OSBPL6: variants seen among roughly 807,000 people sequenced by gnomAD.
OSBPL6 encodes oxysterol binding protein like 6.
OSBPL6 carries 49 observed loss-of-function variants against 125.8 expected under a neutral mutation model. The ratio of observed to expected loss-of-function variants is 0.39; its 90% CI spans 0.31 to 0.49. The LOEUF is 0.49. OSBPL6 is among the 20% of genes least tolerant of loss of function. The pLI is 0.88. For missense variants in OSBPL6, 986 were observed against 1,135.4 expected (o/e 0.87, Z 1.89); for synonymous variants, 394 against 391.8 (o/e 1.01, Z -0.07).
At chr2:178,226,357 G>A (rs893726072) in intron 1 of OSBPL6, among the ~76,000 whole-genome samples, 2 of 150,138 alleles carry the variant, frequency 1.3e-5, no homozygotes, top group Non-Finnish European at 3.0e-5. Flanking sequence ...TGCTGGTGGT[G>A]CAGTGGGCAA....
At chr2:178,274,473 C>T (rs78846511) in intron 1 of OSBPL6, among the ~76,000 whole-genome samples, 8,849 of 152,024 alleles carry the variant, frequency 0.058, 336 homozygotes, top group Middle Eastern at 0.12. Flanking sequence ...AGAATAATCC[C>T]AAAAGGCAGG....
At chr2:178,378,365 T>G (rs1694081928) in intron 15 of OSBPL6, among the ~76,000 whole-genome samples, 1 of 152,214 alleles carries the variant, frequency 6.6e-6, no homozygotes, top group African/African-American at 2.4e-5. Flanking sequence ...ATGCTTATAA[T>G]GATTATTCTG....
Position 178,287,167 on chromosome 2 carries a change from A to AC in OSBPL6, c.-156+2046_-156+2047insC, listed in dbSNP as rs1553542312. 7.1e-3 allele frequency among the ~76,000 whole-genome samples: 1,052 copies of AC among 147,644 alleles called. 12 individuals are homozygous for AC. Among genetic ancestry groups the AC allele is most frequent in the East Asian group, 0.037 (189 of 5,050 alleles). ...CTTTTTTTAAAAAAAAAAAAAAAAA[A>AC]AACAAATTATTTTACTTAAAAAATA... On this transcript the variant is annotated intron_variant, in intron 2 of 24. Transcript: ENST00000190611.
intron 2 of OSBPL6, among the ~76,000 whole-genome samples, chr2:178,288,934 G>A (rs1048407159): frequency 1.3e-5 from 2 of 151,656 alleles, no homozygotes; most frequent in African/African-American, 4.8e-5. Context: ...ACAGGTGTGA[G>A]CCACCGTGCC....
chr2:178,284,270 T>C (rs1684488727), intron 1 of OSBPL6, among the ~76,000 whole-genome samples: 1 of 152,040 alleles, frequency 6.6e-6, no homozygotes, highest in South Asian at 2.1e-4. Context: ...AAAACTCTAT[T>C]GGGCCAGGCA....
chr2:178,341,136 G>T (rs918138872), intron 11 of OSBPL6, among the ~76,000 whole-genome samples: 6 of 152,150 alleles, frequency 3.9e-5, no homozygotes, highest in East Asian at 1.9e-4. Flanking sequence ...AATAATTGAA[G>T]AAGGCCTGCA....
intron 21 of OSBPL6, among the ~76,000 whole-genome samples, 169 bp downstream of exon 21, chr2:178,389,322 G>A (rs538979712): frequency 1.8e-4 from 28 of 152,296 alleles, no homozygotes; most frequent in African/African-American, 6.5e-4. Context: ...CTCAAGGCAT[G>A]CAAGTTTCTG....
chr2:178,361,125 A>G (rs1472433747), intron 12 of OSBPL6, among the ~76,000 whole-genome samples: 1 of 152,186 alleles, frequency 6.6e-6, no homozygotes, highest in Non-Finnish European at 1.5e-5. Flanking sequence ...CCTGTCTGAG[A>G]AAGCAACGCA....
At chr2:178,294,911 CTT>C (rs1217702966) in intron 2 of OSBPL6, among the ~76,000 whole-genome samples, 1 of 144,714 alleles carries the variant, frequency 6.9e-6, no homozygotes, top group African/African-American at 2.6e-5. Context: ...AATCTACTCT[CTT>C]AGCAATTTTC....
rs757417956 is a variant in OSBPL6, at chr2:178,387,159, C to T, written c.2156+20C>T. 2 of 1,551,950 alleles carry T rather than the reference C, an allele frequency of 1.3e-6. No homozygotes were observed. The highest frequency in any genetic ancestry group is 1.8e-6 in the Non-Finnish European group (2 of 1,125,528). ...TCCAAAGTAGGTGACTCACACCTCC[C>T]TTTTGGCCTCTTGTCTGCTTTTCTA... is the stretch of plus-strand genomic sequence containing the variant. On this transcript the variant is annotated intron_variant, in intron 20 of 24. Coordinates refer to ENST00000190611, the MANE Select transcript of OSBPL6 (RefSeq NM_032523.4).
At chr2:178,306,569 A>G (rs1370833689) in intron 3 of OSBPL6, among the ~76,000 whole-genome samples, 1 of 152,152 alleles carries the variant, frequency 6.6e-6, no homozygotes. Flanking sequence ...GGGAGCCAGC[A>G]TCAAGAACTT....
At chr2:178,285,280 T>G (rs1016494712) in intron 2 of OSBPL6, among the ~76,000 whole-genome samples, 159 bp downstream of exon 2, 3 of 152,234 alleles carry the variant, frequency 2.0e-5, no homozygotes, top group Non-Finnish European at 4.4e-5. Flanking sequence ...GTCATAATCC[T>G]TATAATAAAA....
At chr2:178,260,379 A>G (rs1050675640) in intron 1 of OSBPL6, among the ~76,000 whole-genome samples, 1 of 152,024 alleles carries the variant, frequency 6.6e-6, no homozygotes, top group Non-Finnish European at 1.5e-5. Context: ...GTATATGTAT[A>G]TGTGTATGTG....
chr2:178,394,482 G>T (rs751364220), intron 24 of OSBPL6, 47 bp downstream of exon 24: 1 of 1,571,116 alleles, frequency 6.4e-7, no homozygotes, highest in Non-Finnish European at 8.6e-7. Context: ...GCAAATGGTT[G>T]CCACAGGCCA....
intron 1 of OSBPL6, among the ~76,000 whole-genome samples, chr2:178,257,441 A>G (rs1340830855): frequency 6.6e-6 from 1 of 152,118 alleles, no homozygotes; most frequent in Non-Finnish European, 1.5e-5. Flanking sequence ...TATTATTTCT[A>G]TTGCTATTTT....
At chr2:178,195,350 GT>G (rs1559102629) in intron 1 of OSBPL6, among the ~76,000 whole-genome samples, 1 of 152,222 alleles carries the variant, frequency 6.6e-6, no homozygotes, top group African/African-American at 2.4e-5. Flanking sequence ...CCGGGACAGC[GT>G]TTGCATTGCA....
chr2:178,199,794 T>C (rs747258131), intron 1 of OSBPL6, among the ~76,000 whole-genome samples: 1 of 152,202 alleles, frequency 6.6e-6, no homozygotes, highest in Non-Finnish European at 1.5e-5. Context: ...CCGTTTGAAA[T>C]GCTAATTATA....
At chr2:178,341,989 A>G (rs1312351470) in intron 11 of OSBPL6, among the ~76,000 whole-genome samples, 3 of 152,178 alleles carry the variant, frequency 2.0e-5, no homozygotes, top group Middle Eastern at 3.2e-3. Context: ...AGAGAGAGGC[A>G]TAGCATCTAA....
intron 3 of OSBPL6, among the ~76,000 whole-genome samples, chr2:178,319,076 A>G (rs1315379459): frequency 6.6e-6 from 1 of 152,210 alleles, no homozygotes; most frequent in Non-Finnish European, 1.5e-5. Context: ...TACGTGTCAT[A>G]GTAAATAGCA....
Sources: allele counts gnomAD v4.1 joint callset (sites outside exome capture counted in the v4.1 genomes callset), GRCh38; gene constraint gnomAD v4.1.1; transcripts MANE v1.5; gene names NCBI Gene and HGNC (gene_info 2026-07-23, HGNC 2026-07-21).